Variants in LUZP2 observed in about 807,000 individuals in gnomAD.
LUZP2 encodes the protein leucine zipper protein 2.
Under a neutral mutation model 51.6 loss-of-function variants are expected in LUZP2, and 52 were observed. That is an observed-to-expected ratio of 1.01 (90% CI 0.81 to 1.27). The LOEUF is 1.27. LUZP2 is among the 50% of genes most tolerant of loss of function. The probability of loss-of-function intolerance (pLI) is 0.00; values close to 1 mark genes in which losing one functional copy is unlikely to be tolerated. For synonymous variants in LUZP2, 154 were observed against 137.3 expected (o/e 1.12, Z -0.85); for missense variants, 436 against 395.4 (o/e 1.10, Z -0.87).
chr11:24,912,376 T>A (rs1353382902), intron 6 of LUZP2, among the ~76,000 whole-genome samples: 1 of 152,200 alleles, frequency 6.6e-6, no homozygotes, highest in Non-Finnish European at 1.5e-5. Context: ...TATTAGAACC[T>A]TGTAGTGGTG....
At position 24,815,740 on chromosome 11, in the gene LUZP2, G is replaced by A. The variant is rs562159182; in HGVS notation, c.396+52432G>A. On this transcript the variant is annotated intron_variant, in intron 5 of 11. Coordinates refer to ENST00000336930, the MANE Select transcript of LUZP2 (RefSeq NM_001009909.4). ...TGGAAAGCTGAAATATCTCTTCATC[G>A]TGGGTTTTCAAGTATAAAATGCTCT... Among the ~76,000 whole-genome samples, 8 of 152,172 alleles carry A rather than the reference G, an allele frequency of 5.3e-5. No homozygotes were observed. The South Asian group carries it at 1.7e-3, about 32-fold the overall frequency.
chr11:24,997,238 G>A (rs1274121412), intron 9 of LUZP2, among the ~76,000 whole-genome samples: 1 of 151,880 alleles, frequency 6.6e-6, no homozygotes, highest in Non-Finnish European at 1.5e-5. Flanking sequence ...TCCACCAACA[G>A]TGTAAAAGTG....
chr11:24,836,999 C>A (rs1452876109), intron 5 of LUZP2, among the ~76,000 whole-genome samples: 1 of 147,364 alleles, frequency 6.8e-6, no homozygotes, highest in Non-Finnish European at 1.5e-5. Flanking sequence ...CCTTTAAAGT[C>A]TTTCAGTAGG....
chr11:24,508,340 CA>C (rs1031952167), intron 1 of LUZP2, among the ~76,000 whole-genome samples: 9 of 152,080 alleles, frequency 5.9e-5, no homozygotes, highest in Admixed American at 2.0e-4. Context: ...ATTTTATATA[CA>C]GTTAAAGAAG....
intron 10 of LUZP2, among the ~76,000 whole-genome samples, chr11:25,060,972 T>TTCTCCAATG (rs1227545616): frequency 2.0e-5 from 3 of 152,172 alleles, no homozygotes; most frequent in Non-Finnish European, 2.9e-5. Context: ...TTGATTTATA[T>TTCTCCAATG]TCTCCAATGT....
chr11:24,546,723 C>T (rs1355873402), intron 1 of LUZP2, among the ~76,000 whole-genome samples: 1 of 151,862 alleles, frequency 6.6e-6, no homozygotes, highest in Non-Finnish European at 1.5e-5. Flanking sequence ...AGATATTGGC[C>T]AGAAGTTTTC....
chr11:24,774,909 C>T (rs1193124223), intron 5 of LUZP2, among the ~76,000 whole-genome samples: 1 of 149,278 alleles, frequency 6.7e-6, no homozygotes, highest in African/African-American at 2.5e-5. Context: ...AGAATCGTGA[C>T]TAATACGGCA....
intron 1 of LUZP2, among the ~76,000 whole-genome samples, chr11:24,639,416 A>G (rs976053287): frequency 6.6e-6 from 1 of 151,038 alleles, no homozygotes; most frequent in Admixed American, 6.6e-5. Context: ...TTCCCCTTAT[A>G]TTTTATTTAC....
intron 1 of LUZP2, among the ~76,000 whole-genome samples, chr11:24,693,941 A>C (rs570851167): frequency 1.0e-3 from 158 of 152,202 alleles, no homozygotes; most frequent in African/African-American, 3.7e-3. Context: ...TAAAAGGATT[A>C]ATAATAACCC....
chr11:24,544,123 A>C (rs1207455153), intron 1 of LUZP2, among the ~76,000 whole-genome samples: 1 of 151,974 alleles, frequency 6.6e-6, no homozygotes, highest in Non-Finnish European at 1.5e-5. Context: ...GAAGGGATCT[A>C]AGAAGGAAAA....
At chr11:25,030,380 G>A (rs754558784) in intron 9 of LUZP2, among the ~76,000 whole-genome samples, 3 of 152,022 alleles carry the variant, frequency 2.0e-5, no homozygotes, top group East Asian at 1.9e-4. Flanking sequence ...GCTCTTATTA[G>A]CAATGCAGCT....
At position 24,768,520 on chromosome 11, in the gene LUZP2, G is replaced by T. The variant is rs139029269; in HGVS notation, c.396+5212G>T. 7.7e-3 allele frequency among the ~76,000 whole-genome samples: 1,168 copies of T among 152,272 alleles called. 10 individuals carry two copies. The highest frequency in any genetic ancestry group is 0.012 in the Non-Finnish European group (822 of 68,016). Reference sequence around the variant, plus strand: ...TATTTAAACAGTCTATGCTCAAGGGGTTAATATTTAAAATATGTAAGAAAC... The same window carrying T: ...TATTTAAACAGTCTATGCTCAAGGGTTTAATATTTAAAATATGTAAGAAAC... On this transcript the variant is annotated intron_variant, in intron 5 of 11. Transcript: ENST00000336930.
intron 6 of LUZP2, among the ~76,000 whole-genome samples, chr11:24,913,169 A>G (rs377314354): frequency 6.6e-6 from 1 of 152,206 alleles, no homozygotes; most frequent in Non-Finnish European, 1.5e-5. Flanking sequence ...TCTTCTTGCT[A>G]TATTACACTG....
chr11:24,570,487 T>C (rs1431592978), intron 1 of LUZP2, among the ~76,000 whole-genome samples: 1 of 152,096 alleles, frequency 6.6e-6, no homozygotes, highest in African/African-American at 2.4e-5. Context: ...AAATAGCTTG[T>C]ACATCTTGAT....
chr11:24,692,794 T>G (rs1336893636), intron 1 of LUZP2, among the ~76,000 whole-genome samples: 2 of 152,022 alleles, frequency 1.3e-5, no homozygotes, highest in Admixed American at 1.3e-4. Context: ...TAATTCCTAA[T>G]TTAGGAGAAT....
At chr11:24,711,462 TAAATAAATA>T in intron 1 of LUZP2, among the ~76,000 whole-genome samples, 2 of 121,506 alleles carry the variant, frequency 1.6e-5, no homozygotes, top group East Asian at 5.8e-4. Context: ...AATAAATAAA[TAAATAAATA>T]AATAAATAAA....
chr11:24,574,140 TTTCC>T (rs1235650806), intron 1 of LUZP2, among the ~76,000 whole-genome samples: 2 of 151,460 alleles, frequency 1.3e-5, no homozygotes, highest in African/African-American at 2.4e-5. Flanking sequence ...TTTCTCTTTC[TTTCC>T]TTCCTTCTTC....
At chr11:24,642,128 T>A (rs1334704953) in intron 1 of LUZP2, among the ~76,000 whole-genome samples, 1 of 151,756 alleles carries the variant, frequency 6.6e-6, no homozygotes. Context: ...GACCTCATGA[T>A]CCACCAGCCT....
chr11:24,759,644 T>G (rs1859909632), intron 4 of LUZP2, among the ~76,000 whole-genome samples: 1 of 152,158 alleles, frequency 6.6e-6, no homozygotes, highest in Admixed American at 6.6e-5. Flanking sequence ...TTAATATAAG[T>G]AATATGGCTT....
Sources: allele counts gnomAD v4.1 joint callset (sites outside exome capture counted in the v4.1 genomes callset), GRCh38; gene constraint gnomAD v4.1.1; transcripts MANE v1.5; gene names NCBI Gene and HGNC (gene_info 2026-07-23, HGNC 2026-07-21).